The following ZFHX3 variants were observed in gnomAD, a reference collection of about 807,000 sequenced individuals.
ZFHX3 encodes the protein zinc finger homeobox protein 3.
In ZFHX3, 42 loss-of-function variants were observed where a neutral mutation model predicts 279.1. The observed-to-expected ratio is 0.15, with a 90% CI of 0.12 to 0.19. The LOEUF is 0.19. ZFHX3 is among the 10% of genes least tolerant of loss of function. The pLI is 1.00. For synonymous variants in ZFHX3, 2,293 were observed against 1,957.8 expected (o/e 1.17, Z -4.52); for missense variants, 4,981 against 4,754.0 (o/e 1.05, Z -1.40).
intron 3 of ZFHX3, among the ~76,000 whole-genome samples, chr16:72,908,551 C>A (rs1342558899): frequency 6.6e-6 from 1 of 152,178 alleles, no homozygotes; most frequent in Non-Finnish European, 1.5e-5. Context: ...GTTCACTTAC[C>A]TTGCTAATGA....
chr16:72,804,914 C>A (rs1365465396), intron 7 of ZFHX3, among the ~76,000 whole-genome samples: 27 of 152,122 alleles, frequency 1.8e-4, no homozygotes. Flanking sequence ...ACAGGCTCAC[C>A]TAGGTTAGAT....
intron 1 of ZFHX3, among the ~76,000 whole-genome samples, chr16:73,731,466 G>GT (rs112578865): frequency 0.023 from 3,345 of 145,336 alleles, 93 homozygotes; most frequent in South Asian, 0.069. Flanking sequence ...TAAAAAGGGT[G>GT]TTTTTTTTTT....
intron 3 of ZFHX3, among the ~76,000 whole-genome samples, chr16:73,382,837 A>G (rs1345310507): frequency 1.3e-5 from 2 of 152,160 alleles, no homozygotes; most frequent in African/African-American, 4.8e-5. Context: ...GATGAAACCC[A>G]AGAGCTGGGA....
rs1331712398 is a variant in ZFHX3, at chr16:73,182,945, C to T, written c.-1103-39114G>A. On this transcript the variant is annotated intron_variant, in intron 5 of 17. Transcript: ENST00000641206. ...TGGGGCCGGGCGTGGTGGCTCACGC[C>T]TGTAATCCCAGCACTTTGGAAGGCC... 2.0e-5 allele frequency among the ~76,000 whole-genome samples: 3 copies of T among 152,186 alleles called. No homozygotes were observed. In the East Asian group the frequency reaches 5.8e-4, roughly 29 times the overall value.
chr16:72,923,449 A>AG (rs1439138875), intron 3 of ZFHX3, among the ~76,000 whole-genome samples: 3 of 137,550 alleles, frequency 2.2e-5, no homozygotes, highest in African/African-American at 2.6e-5. Context: ...GTCTCAGACC[A>AG]GAAAAAAAAA....
At chr16:73,156,008 G>A (rs1345531010) in intron 5 of ZFHX3, among the ~76,000 whole-genome samples, 6 of 152,054 alleles carry the variant, frequency 3.9e-5, no homozygotes, top group South Asian at 2.1e-4. Context: ...CGAGATGGGC[G>A]GATCACAAGG....
chr16:73,654,429 A>G (rs1381680531), intron 2 of ZFHX3, among the ~76,000 whole-genome samples: 1 of 152,120 alleles, frequency 6.6e-6, no homozygotes, highest in African/African-American at 2.4e-5. Flanking sequence ...AACCCCCAAA[A>G]TAGAAAAACA....
chr16:73,458,558 A>G (rs746175936), intron 2 of ZFHX3, among the ~76,000 whole-genome samples: 1 of 151,912 alleles, frequency 6.6e-6, no homozygotes, highest in Non-Finnish European at 1.5e-5. Context: ...GTATTTCACC[A>G]TATTGGCCAG....
chr16:73,664,589 A>T (rs2052816537), intron 2 of ZFHX3, among the ~76,000 whole-genome samples: 2 of 152,204 alleles, frequency 1.3e-5, no homozygotes. Flanking sequence ...AGTATTTGCC[A>T]TTTTGGACTT....
At chr16:72,935,537 T>C (rs921224946) in intron 3 of ZFHX3, among the ~76,000 whole-genome samples, 1 of 152,048 alleles carries the variant, frequency 6.6e-6, no homozygotes, top group African/African-American at 2.4e-5. Context: ...GGTCAGGAGT[T>C]CGAGACCAGA....
chr16:72,960,192 G>A lies in ZFHX3; in HGVS notation c.-47C>T. 6.7e-7 allele frequency: 1 copy of A among 1,496,388 alleles called. No homozygotes were observed. Among genetic ancestry groups the A allele is most frequent in the South Asian group, 1.4e-5 (1 of 69,814 alleles). The allele number at this position is 1,496,388 out of a possible 1,614,324, so 92.7% of individuals were successfully genotyped here. The stretch of plus-strand genomic sequence containing the variant: ...TCATTGCACCCAGTACGGAGGCTCG[G>A]ACCTGAAGGGCAGAGGCAAGGGGGG... On this transcript the variant is annotated splice_region_variant and 5_prime_UTR_variant, in exon 2 of 10. Transcript: ENST00000268489.
intron 3 of ZFHX3, among the ~76,000 whole-genome samples, chr16:73,373,108 G>T (rs1567464233): frequency 6.8e-6 from 1 of 147,720 alleles, no homozygotes; most frequent in African/African-American, 2.5e-5. Flanking sequence ...CTGGGCCTGG[G>T]GACTTATATT....
chr16:73,749,196 C>G (rs1486211771), intron 1 of ZFHX3, among the ~76,000 whole-genome samples: 1 of 152,180 alleles, frequency 6.6e-6, no homozygotes, highest in Non-Finnish European at 1.5e-5. Context: ...TGGCCATGCC[C>G]TTTCCCTAAA....
intron 1 of ZFHX3, among the ~76,000 whole-genome samples, chr16:73,699,688 T>C (rs2053229424): frequency 1.3e-5 from 2 of 152,202 alleles, no homozygotes; most frequent in African/African-American, 4.8e-5. Context: ...ACTGTTATTA[T>C]TCCTATTTTC....
At chr16:73,719,215 T>C (rs976176442) in intron 1 of ZFHX3, among the ~76,000 whole-genome samples, 9 of 152,176 alleles carry the variant, frequency 5.9e-5, no homozygotes, top group Non-Finnish European at 1.5e-5. Flanking sequence ...ACTTATCATC[T>C]ATCCCACCCA....
At chr16:73,619,605 C>T (rs1297172669) in intron 2 of ZFHX3, among the ~76,000 whole-genome samples, 1 of 151,800 alleles carries the variant, frequency 6.6e-6, no homozygotes, top group Non-Finnish European at 1.5e-5. Flanking sequence ...TCATGATGGA[C>T]ATCCTGCAAA....
At chr16:73,697,109 A>T (rs1160010406) in intron 1 of ZFHX3, among the ~76,000 whole-genome samples, 2 of 152,226 alleles carry the variant, frequency 1.3e-5, no homozygotes, top group Non-Finnish European at 2.9e-5. Flanking sequence ...AAATATTTTA[A>T]GTGAACTAGC....
At chr16:72,878,964 G>C (rs1219441286) in intron 4 of ZFHX3, among the ~76,000 whole-genome samples, 1 of 152,184 alleles carries the variant, frequency 6.6e-6, no homozygotes, top group Non-Finnish European at 1.5e-5. Context: ...GGAAGGGTCC[G>C]AGTTCGCCTC....
Position 73,287,127 on chromosome 16 carries a change from G to A in ZFHX3, c.-1193-29991C>T, listed in dbSNP as rs562025142. Among the ~76,000 whole-genome samples, 46 of 147,148 alleles carry A rather than the reference G, an allele frequency of 3.1e-4. No homozygotes were observed. The South Asian group carries it at 6.3e-3, about 20-fold the overall frequency. On this transcript the variant is annotated intron_variant, in intron 4 of 17. Coordinates refer to the ZFHX3 transcript ENST00000641206. ...CTGTGTGAGTGTGGGTCAGCGTGTC[G>A]GTGTGTTGGTTGGTGTGTGGCTGTG...
Sources: allele counts gnomAD v4.1 joint callset (sites outside exome capture counted in the v4.1 genomes callset), GRCh38; gene constraint gnomAD v4.1.1; transcripts MANE v1.5; gene names NCBI Gene and HGNC (gene_info 2026-07-23, HGNC 2026-07-21).